The following TACC2 variants were observed in gnomAD, a reference collection of about 807,000 sequenced individuals.
The protein encoded by TACC2 is transforming acidic coiled-coil containing protein 2.
Under a neutral mutation model 227.3 loss-of-function variants are expected in TACC2, and 137 were observed. That is an observed-to-expected ratio of 0.60 (90% CI 0.52 to 0.69). The LOEUF is 0.69. Among genes scored for constraint, TACC2 ranks in the 30% least tolerant of loss-of-function variants. The probability of loss-of-function intolerance (pLI) is 0.00; values close to 1 mark genes in which losing one functional copy is unlikely to be tolerated. For synonymous variants in TACC2, 1,523 were observed against 1,487.5 expected (o/e 1.02, Z -0.55); for missense variants, 3,470 against 3,694.4 (o/e 0.94, Z 1.57).
At chr10:122,046,626 G>T (rs1046039801) in intron 2 of TACC2, among the ~76,000 whole-genome samples, 2 of 152,046 alleles carry the variant, frequency 1.3e-5, no homozygotes, top group African/African-American at 4.8e-5. Flanking sequence ...AATATAGCCC[G>T]TGGTCCCTTT....
Position 122,213,483 on chromosome 10 carries a change from T to C in TACC2, c.7283+1775T>C, listed in dbSNP as rs1476498143. Reference sequence around the variant, plus strand: ...TTATTTCCCCTCTGGCTGCTACTGATGTGTTTCTGTGGTGGGCCTGCGAAT... The same window carrying C: ...TTATTTCCCCTCTGGCTGCTACTGACGTGTTTCTGTGGTGGGCCTGCGAAT... On this transcript the variant is annotated intron_variant, in intron 9 of 22. Transcript: ENST00000369005. The C allele has an allele frequency of 1.4e-5, 16 of 1,166,292 alleles. No homozygotes were observed. In the Admixed American group the frequency reaches 2.2e-4, roughly 16 times the overall value. 72.2% of individuals were successfully genotyped at this position (1,166,292 alleles called of 1,614,324 possible). A position where few individuals can be genotyped will look rare whatever the true frequency, so the allele number is the denominator to read the frequency against.
intron 11 of TACC2, 73 bp from the exon 12 acceptor site, chr10:122,224,653 T>G (rs2095587947): frequency 1.4e-6 from 2 of 1,390,364 alleles, no homozygotes; most frequent in Non-Finnish European, 2.0e-6. Flanking sequence ...GGCTCAGATC[T>G]TCCCATTTTT....
intron 8 of TACC2, among the ~76,000 whole-genome samples, chr10:122,197,975 G>C (rs2094632730): frequency 6.6e-6 from 1 of 152,232 alleles, no homozygotes; most frequent in Non-Finnish European, 1.5e-5. Flanking sequence ...AGGAAAGAAG[G>C]GTACCAGGGG....
At chr10:122,036,015 A>C (rs537386558) in intron 2 of TACC2, among the ~76,000 whole-genome samples, 8 of 152,182 alleles carry the variant, frequency 5.3e-5, no homozygotes, top group African/African-American at 1.7e-4. Flanking sequence ...TAGGTACCTC[A>C]TGTAAGTGGA....
At chr10:122,072,802 G>C (rs1435677617) in intron 3 of TACC2, among the ~76,000 whole-genome samples, 1 of 152,042 alleles carries the variant, frequency 6.6e-6, no homozygotes, top group African/African-American at 2.4e-5. Context: ...CGTAGACCCA[G>C]TGCTAGACTA....
chr10:122,132,506 G>C, intron 5 of TACC2, 103 bp from the exon 6 acceptor site: 2 of 1,380,474 alleles, frequency 1.4e-6, no homozygotes, highest in Non-Finnish European at 2.0e-6. Flanking sequence ...CGGAGATCGC[G>C]CCATTGCCCT....
Position 122,108,794 on chromosome 10 carries a change from T to C in TACC2, c.5573+20203T>C, listed in dbSNP as rs566924241. On this transcript the variant is annotated intron_variant, in intron 5 of 22. Transcript: ENST00000369005. The stretch of plus-strand genomic sequence containing the variant: ...GCGTCACCAGGCTGGAGTGCAATGG[T>C]GCGATCCCGGCTCACTGCAGCCTCT... 2.0e-5 allele frequency among the ~76,000 whole-genome samples: 3 copies of C among 151,490 alleles called. No individual in the cohort carries two copies. The South Asian group carries it at 6.3e-4, about 32-fold the overall frequency.
At chr10:122,043,274 A>C (rs1271909958) in intron 2 of TACC2, among the ~76,000 whole-genome samples, 1 of 152,162 alleles carries the variant, frequency 6.6e-6, no homozygotes, top group Admixed American at 6.5e-5. Flanking sequence ...CACCTCTTAC[A>C]TCTTTGAGGT....
intron 3 of TACC2, among the ~76,000 whole-genome samples, chr10:122,076,567 A>G (rs1163397266): frequency 6.6e-6 from 1 of 152,214 alleles, no homozygotes; most frequent in Non-Finnish European, 1.5e-5. Flanking sequence ...ATTTATGAAA[A>G]TAACAAATCA....
intron 5 of TACC2, among the ~76,000 whole-genome samples, chr10:122,132,082 G>GAA (rs138785067): frequency 0.11 from 15,072 of 135,278 alleles, 1,481 homozygotes; most frequent in African/African-American, 0.21. Context: ...AAGAAAGAAA[G>GAA]AGAAAGATCT....
intron 2 of TACC2, among the ~76,000 whole-genome samples, chr10:122,035,197 C>T (rs1959879522): frequency 1.3e-5 from 2 of 152,196 alleles, no homozygotes; most frequent in Admixed American, 1.3e-4. Flanking sequence ...CTCAAGACCT[C>T]AGTCACAAGC....
Position 122,084,040 on chromosome 10 carries a change from C to G in TACC2, c.1540C>G (p.Pro514Ala). The G allele has an allele frequency of 6.2e-7, 1 of 1,613,820 alleles. No individual in the cohort carries two copies. Among genetic ancestry groups the G allele is most frequent in the Non-Finnish European group, 8.5e-7 (1 of 1,179,942 alleles). Reference protein sequence around the residue: ...EQSHEVQPGVPPPPLPKEQSH... With the variant: ...EQSHEVQPGVAPPPLPKEQSH... ...AAGCCATGAGGTCCAACCAGGAGTA[C>G]CACCCCCTCCTCTTCCCAAGGAGCA... Residue 514 changes from proline to alanine, a missense_variant, in exon 4 of 23, where the codon CCA (proline) becomes GCA (alanine). Around this residue, in one of 10 missense-constraint regions of TACC2, gnomAD observed 1,924 missense variants for 1,978.3 expected, o/e 0.97. Transcript: ENST00000369005.
chr10:122,216,494 A>G, intron 10 of TACC2, 133 bp from the exon 11 acceptor site: 1 of 767,822 alleles, frequency 1.3e-6, no homozygotes, highest in Non-Finnish European at 2.1e-6. Flanking sequence ...CATTTGGAGC[A>G]GAGTCTGAGA....
At chr10:122,073,971 A>G (rs3862122) in intron 3 of TACC2, among the ~76,000 whole-genome samples, 21,778 of 151,776 alleles carry the variant, frequency 0.14, 1,906 homozygotes, top group Middle Eastern at 0.27. Context: ...TTATAGAGAC[A>G]GGGTTTCACC....
chr10:122,248,673 A>C lies in TACC2; in HGVS notation c.8423A>C (p.His2808Pro), dbSNP rs1019037833. ...GAACAGAGAGAGAAGTCAGTCTCCC[A>C]CCAGACGGTGCAGCAGCTGGTTCTG... is the stretch of plus-strand genomic sequence containing the variant. Reference protein sequence around the residue: ...EDEQREKSVSHQTVQQLVLEK... With the variant: ...EDEQREKSVSPQTVQQLVLEK... Residue 2808 changes from histidine (H) to proline (P), a missense_variant, in exon 20 of 23, where the codon CAC becomes CCC. His to Pro is a moderately conservative substitution (Grantham distance 77). This residue lies in a region of TACC2 where 65 missense variants were observed against 119.3 expected (regional missense o/e 0.54). Transcript: ENST00000369005. 1.2e-6 allele frequency: 2 copies of C among 1,613,714 alleles called. No homozygotes were observed. The highest frequency in any genetic ancestry group is 1.7e-6 in the Non-Finnish European group (2 of 1,180,034).
In TACC2 at chr10:122,210,671, A is replaced by G. The variant is rs753632492; in HGVS notation, c.6246A>G (p.Thr2082=). The G allele has an allele frequency of 1.9e-6, 3 of 1,613,992 alleles. No individual in the cohort carries two copies. The highest frequency in any genetic ancestry group is 1.7e-5 in the Admixed American group (1 of 60,012). The change falls in exon 9 of 23, where the codon ACA becomes ACG. Residue 2082 remains threonine (T), a synonymous_variant. Transcript: ENST00000369005. This position sits in a 1 kb window ranked among gnomAD's most constrained non-coding sequence, Gnocchi z 4.6. ...STDSVPISKS[T]LSRSLSLQAS... is the part of the protein sequence containing the mutation. ...ATTCCGTCCCCATCTCTAAGTCTACACTGTCCCGGTCGCTCAGCCTGCAAG... is the reference window on the plus strand; with the variant it reads ...ATTCCGTCCCCATCTCTAAGTCTACGCTGTCCCGGTCGCTCAGCCTGCAAG...
At chr10:122,237,236 G>T (rs543887825) in intron 16 of TACC2, among the ~76,000 whole-genome samples, 159 bp from the exon 17 acceptor site, 2 of 152,122 alleles carry the variant, frequency 1.3e-5, no homozygotes, top group Non-Finnish European at 2.9e-5. Context: ...GACTGGACTC[G>T]GCATTTCCCT....
At chr10:122,021,849 G>A in intron 1 of TACC2, 88 bp from the exon 2 acceptor site, 1 of 725,172 alleles carries the variant, frequency 1.4e-6, no homozygotes, top group Non-Finnish European at 2.4e-6. Flanking sequence ...CCATCATCTG[G>A]CTTTTGAGTT....
intron 12 of TACC2, among the ~76,000 whole-genome samples, chr10:122,225,945 G>A (rs1371809183): frequency 6.6e-6 from 1 of 152,180 alleles, no homozygotes; most frequent in Non-Finnish European, 1.5e-5. Context: ...CAGCTGAGTT[G>A]CTCTCCAGGC....
Sources: allele counts gnomAD v4.1 joint callset (sites outside exome capture counted in the v4.1 genomes callset), GRCh38; gene constraint gnomAD v4.1.1; regional missense constraint gnomAD v4.1.1; non-coding constraint Gnocchi (gnomAD v3.1); transcripts MANE v1.5; gene names NCBI Gene and HGNC (gene_info 2026-07-23, HGNC 2026-07-21).